The following NFATC4 variants were observed in gnomAD, a reference collection of about 807,000 sequenced individuals.
The protein encoded by NFATC4 is nuclear factor of activated T-cells, cytoplasmic 4.
Under a neutral mutation model 73.4 loss-of-function variants are expected in NFATC4, and 25 were observed. That is an observed-to-expected ratio of 0.34 (90% confidence interval 0.25 to 0.48). The LOEUF is 0.48. Ranked by LOEUF, NFATC4 falls within the 20% of genes least tolerant of loss-of-function variation. The probability of loss-of-function intolerance (pLI) is 0.99; values close to 1 mark genes in which losing one functional copy is unlikely to be tolerated. For missense variants in NFATC4, 1,130 were observed against 1,203.7 expected, an observed-to-expected ratio of 0.94 and a Z score of 0.91; for synonymous variants, 523 against 510.3, an observed-to-expected ratio of 1.02 and a Z score of -0.34.
intron 2 of NFATC4, chr14:24,372,203 G>C: frequency 2.0e-6 from 1 of 504,786 alleles, no homozygotes. Flanking sequence ...CACCTCAAGG[G>C]GCTCTGTCCC....
At position 24,370,013 on chromosome 14, in the gene NFATC4, G is replaced by A. The variant is rs548324633; in HGVS notation, c.615G>A (p.Ala205=). 14 of 1,612,414 alleles carry A rather than the reference G, an allele frequency of 8.7e-6. No individual in the cohort carries two copies. In the East Asian group the frequency reaches 2.7e-4, roughly 31 times the overall value. The part of the protein sequence containing the change: ...CDEVESELNE[A]ASRFGLGSPL... ...AGGTGGAGTCTGAGCTAAATGAGGC[G>A]GCCTCCCGCTTTGGCCTGGGCTCCC... The change falls in exon 2 of 10, where the codon GCG becomes GCA. Residue 205 remains alanine, a synonymous_variant. Transcript: ENST00000250373.
intron 1 of NFATC4, 41 bp downstream of exon 1, chr14:24,368,481 G>C: frequency 8.0e-7 from 1 of 1,255,356 alleles, no homozygotes; most frequent in Non-Finnish European, 1.0e-6. Context: ...GTCAGTGAGA[G>C]GAGGGCCGGG....
chr14:24,376,674 C>CG lies in NFATC4; in HGVS notation c.2437_2438insG (p.Pro813ArgfsTer11). On this transcript the variant is annotated frameshift_variant, in exon 9 of 10. Transcript: ENST00000250373. LOFTEE classifies it high-confidence loss of function. This position sits in a 1 kb window ranked among gnomAD's most constrained non-coding sequence, Gnocchi z 5.0. ...ATTCTCTCCGCCAGCCCCCTTTCGG[C>CG]CGCCTCCTCTTCCTGCATCCCCACC... The CG allele has an allele frequency of 6.2e-7, 1 of 1,613,578 alleles. No homozygotes were observed. Among genetic ancestry groups the CG allele is most frequent in the South Asian group, 1.1e-5 (1 of 91,050 alleles).
chr14:24,370,128 G>T lies in NFATC4; in HGVS notation c.730G>T (p.Glu244Ter). The change falls in exon 2 of 10, where the codon GAG becomes TAG. Residue 244 changes from glutamate to a stop codon, truncating the protein, a stop_gained. Transcript: ENST00000250373. LOFTEE classifies it high-confidence loss of function. ...YGPSPGGRGP[E>*]DSWLLLSAPG... ...TCCAAGCCCCGGAGGCCGAGGGCCA[G>T]AGGATAGCTGGCTACTCCTCAGTGC... 6.2e-7 allele frequency: 1 copy of T among 1,603,776 alleles called. No individual in the cohort carries two copies.
At position 24,377,792 on chromosome 14, in the gene NFATC4, A is replaced by C; in HGVS notation, c.*87A>C. On this transcript the variant is annotated 3_prime_UTR_variant, in exon 10 of 10. Transcript: ENST00000250373. This position sits in a 1 kb window ranked among gnomAD's most constrained non-coding sequence, Gnocchi z 4.2. ...TCCTTCCTGGAGTGGTGGCTACAGA[A>C]GCTTGGGGCCAACCCTGGCTCCTCT... The C allele has an allele frequency of 6.2e-7, 1 of 1,605,084 alleles. No individual in the cohort carries two copies. The highest frequency in any genetic ancestry group is 8.5e-7 in the Non-Finnish European group (1 of 1,174,666).
upstream of NFATC4, chr14:24,367,035 C>CTGTG: frequency 6.2e-7 from 1 of 1,612,918 alleles, no homozygotes; most frequent in South Asian, 1.1e-5. Flanking sequence ...GAGGTTGAAA[C>CTGTG]TGTGTGTGTG....
At position 24,368,423 on chromosome 14, in the gene NFATC4, C is replaced by G. The variant is rs199738451; in HGVS notation, c.83C>G (p.Ala28Gly). 1 of 1,311,818 alleles carries G rather than the reference C, an allele frequency of 7.6e-7. No homozygotes were observed. Among genetic ancestry groups the G allele is most frequent in the Non-Finnish European group, 9.7e-7 (1 of 1,027,326 alleles). 81.3% of individuals were successfully genotyped at this position (1,311,818 alleles called of 1,614,324 possible). The change falls in exon 1 of 10, where the codon GCG becomes GGG. Residue 28 changes from alanine to glycine, a missense_variant. This residue lies in a region of NFATC4 where 585 missense variants were observed against 574.3 expected (regional missense o/e 1.02). Coordinates refer to ENST00000250373, the MANE Select transcript of NFATC4 (RefSeq NM_004554.5). Reference protein sequence around the residue: ...GEEKEAPPLGAGGLGEELDSE... With the variant: ...GEEKEAPPLGGGGLGEELDSE... The stretch of plus-strand genomic sequence containing the variant: ...GAAAAGGAGGCCCCCCCGCTGGGCG[C>G]GGGGGGATTGGGGGAAGGTTAGTGC...
In NFATC4 at chr14:24,370,065, C is replaced by T. The variant is rs150527849; in HGVS notation, c.667C>T (p.Arg223Trp). 3.4e-4 allele frequency: 544 copies of T among 1,606,844 alleles called. No individual in the cohort carries two copies. Among genetic ancestry groups the T allele is most frequent in the Middle Eastern group, 2.3e-3 (14 of 6,062 alleles). ...GCTGCCCTCGCCCCGGGCCTCCCCT[C>T]GGCCATGGACCCCCGAAGATCCCTG... ...SPLPSPRASPRPWTPEDPWSL... is the reference protein window; with the variant it reads ...SPLPSPRASPWPWTPEDPWSL... The change falls in exon 2 of 10, where the codon CGG (arginine) becomes TGG (tryptophan). Residue 223 changes from arginine (R) to tryptophan (W), a missense_variant. Arg to Trp is a moderately radical substitution (Grantham distance 101, BLOSUM62 -3). Coordinates refer to ENST00000250373, the MANE Select transcript of NFATC4 (RefSeq NM_004554.5).
intron 2 of NFATC4, among the ~76,000 whole-genome samples, chr14:24,371,538 G>A (rs2042471703): frequency 6.6e-6 from 1 of 152,174 alleles, no homozygotes; most frequent in East Asian, 1.9e-4. Flanking sequence ...GTATCAGGGA[G>A]CACAATACAG....
At chr14:24,372,714 C>T (rs566242174) in intron 3 of NFATC4, 111 bp downstream of exon 3, 43 of 1,400,130 alleles carry the variant, frequency 3.1e-5, no homozygotes, top group Non-Finnish European at 3.7e-5. Flanking sequence ...TCTGACCCTG[C>T]AGGCAGCCTG....
intron 1 of NFATC4, chr14:24,368,876 C>T (rs1393614858): frequency 2.5e-5 from 5 of 199,314 alleles, no homozygotes; most frequent in African/African-American, 1.2e-4. Context: ...CCCGTCTGGC[C>T]GCAATGAGAG....
chr14:24,368,460 G>A lies in NFATC4; in HGVS notation c.100+20G>A. 7.8e-7 allele frequency: 1 copy of A among 1,279,490 alleles called. No homozygotes were observed. Among genetic ancestry groups the A allele is most frequent in the East Asian group, 3.1e-5 (1 of 32,084 alleles). The allele number at this position is 1,279,490 out of a possible 1,614,324, so 79.3% of individuals were successfully genotyped here. On this transcript the variant is annotated intron_variant, in intron 1 of 9. Transcript: ENST00000250373. ...GGGAAGGTTAGTGCTGGGCTGGGAA[G>A]GGGTCTTGGGGTCAGTGAGAGGAGG...
chr14:24,368,644 G>C (rs559008907), intron 1 of NFATC4, among the ~76,000 whole-genome samples: 1 of 150,424 alleles, frequency 6.6e-6, no homozygotes, highest in Admixed American at 6.6e-5. Flanking sequence ...ACTGGGGTGG[G>C]GGTGGGGGTG....
Position 24,369,497 on chromosome 14 carries a change from A to G in NFATC4, c.101-2A>G, listed in dbSNP as rs749990080. On this transcript the variant is annotated splice_acceptor_variant, in intron 1 of 9. Transcript: ENST00000250373. LOFTEE classifies it high-confidence loss of function. Reference sequence around the variant, plus strand: ...CCTCTGCTCCTCTTCCCATTTTGACAGAACTGGACTCAGAGGATGCCCCGC... The same window carrying G: ...CCTCTGCTCCTCTTCCCATTTTGACGGAACTGGACTCAGAGGATGCCCCGC... 1.2e-6 allele frequency: 2 copies of G among 1,611,858 alleles called. No homozygotes were observed. Among genetic ancestry groups the G allele is most frequent in the East Asian group, 2.2e-5 (1 of 44,838 alleles).
Position 24,370,162 on chromosome 14 carries a change from C to T in NFATC4, c.764C>T (p.Pro255Leu), listed in dbSNP as rs766182137. Residue 255 changes from proline (P) to leucine (L), a missense_variant, in exon 2 of 10, where the codon CCC becomes CTC. Coordinates refer to ENST00000250373, the MANE Select transcript of NFATC4 (RefSeq NM_004554.5). ...DSWLLLSAPGPTPASPRPASP... is the reference protein window; with the variant it reads ...DSWLLLSAPGLTPASPRPASP... Reference sequence around the variant, plus strand: ...TGGCTACTCCTCAGTGCTCCTGGGCCCACCCCAGCCTCCCCGCGGCCTGCC... The same window carrying T: ...TGGCTACTCCTCAGTGCTCCTGGGCTCACCCCAGCCTCCCCGCGGCCTGCC... The T allele has an allele frequency of 1.9e-6, 3 of 1,604,280 alleles. No homozygotes were observed. The highest frequency in any genetic ancestry group is 1.7e-6 in the Non-Finnish European group (2 of 1,179,746).
chr14:24,373,137 T>A lies in NFATC4; in HGVS notation c.1360-34T>A, dbSNP rs2042518512. ...TGAATAAAGGATGAGACGGTGGGGA[T>A]TTCAATGAGGTGGCCGCTCTCTCCC... is the stretch of plus-strand genomic sequence containing the variant. On this transcript the variant is annotated intron_variant, in intron 3 of 9. Coordinates refer to ENST00000250373, the MANE Select transcript of NFATC4 (RefSeq NM_004554.5). This position sits in a 1 kb window ranked among gnomAD's most constrained non-coding sequence, Gnocchi z 4.7. 3 of 1,603,808 alleles carry A rather than the reference T, an allele frequency of 1.9e-6. No individual in the cohort carries two copies. Among genetic ancestry groups the A allele is most frequent in the East Asian group, 2.2e-5 (1 of 44,744 alleles).
Position 24,378,799 on chromosome 14 carries a change from A to G in NFATC4, c.*1094A>G, listed in dbSNP as rs888147056. 1 of 152,338 alleles carries G rather than the reference A, an allele frequency of 6.6e-6. No homozygotes were observed. The highest frequency in any genetic ancestry group is 6.5e-5 in the Admixed American group (1 of 15,282). The allele number at this position is 152,338 out of a possible 1,614,324, so 9.4% of individuals were successfully genotyped here. A position where few individuals can be genotyped will look rare whatever the true frequency, so the allele number is the denominator to read the frequency against. ...GCAAATATGCCCATGCTGGCCTTCT[A>G]AATAGCTGGTACATCCATCACCACT... is the stretch of plus-strand genomic sequence containing the variant. On this transcript the variant is annotated 3_prime_UTR_variant, in exon 10 of 10. Coordinates refer to ENST00000250373, the MANE Select transcript of NFATC4 (RefSeq NM_004554.5).
chr14:24,376,334 G>T lies in NFATC4; in HGVS notation c.2097G>T (p.Arg699=). ...AGCCCCTACCGGACTCATCTCTGCGGGGTTTCCCTTCAGCATCGGCAACCC... is the reference window on the plus strand; with the variant it reads ...AGCCCCTACCGGACTCATCTCTGCGTGGTTTCCCTTCAGCATCGGCAACCC... ...KEEPLPDSSL[R]GFPSASATPF... Residue 699 remains arginine, a synonymous_variant, in exon 9 of 10, where the codon CGG becomes CGT. Transcript: ENST00000250373. The surrounding 1 kb of genome is among the most constrained non-coding windows in gnomAD (Gnocchi z 5.0). 1 of 1,601,038 alleles carries T rather than the reference G, an allele frequency of 6.2e-7. No homozygotes were observed.
chr14:24,369,554 T>C lies in NFATC4; in HGVS notation c.156T>C (p.Pro52=). The C allele has an allele frequency of 8.7e-6, 14 of 1,609,702 alleles. No homozygotes were observed. Among genetic ancestry groups the C allele is most frequent in the Non-Finnish European group, 1.2e-5 (14 of 1,177,138 alleles). Residue 52 remains proline (P), a synonymous_variant, in exon 2 of 10, where the codon CCT becomes CCC. Coordinates refer to ENST00000250373, the MANE Select transcript of NFATC4 (RefSeq NM_004554.5). ...GCCGTCTGGCCTTGGGAGAGCCCCC[T>C]CCCTATGGCGCTGCACCTATCGGTA... ...PCCRLALGEP[P]PYGAAPIGIP...
Sources: gnomAD v4.1 joint callset for allele counts (sites outside exome capture counted in the v4.1 genomes callset) on GRCh38, gnomAD v4.1.1 for gene constraint, gnomAD v4.1.1 regional missense constraint, Gnocchi (gnomAD v3.1) non-coding constraint, MANE v1.5 for transcripts, NCBI Gene and HGNC (gene_info 2026-07-23, HGNC 2026-07-21) for gene names.